ADARB2: variants seen among roughly 807,000 people sequenced by gnomAD.
ADARB2 encodes the protein inactive double-stranded RNA-specific editase B2.
Under a neutral mutation model 62.2 loss-of-function variants are expected in ADARB2, and 25 were observed. The observed-to-expected ratio is 0.40, with a 90% CI of 0.29 to 0.56. ADARB2 has a LOEUF of 0.56. Among genes scored for constraint, ADARB2 ranks in the 20% least tolerant of loss-of-function variants. ADARB2 has a pLI of 0.43. For missense variants in ADARB2, 1,071 were observed against 1,077.4 expected, an observed-to-expected ratio of 0.99 and a Z score of 0.08; for synonymous variants, 572 against 500.8, an observed-to-expected ratio of 1.14 and a Z score of -1.90.
chr10:1,568,047 T>G (rs1356964073), intron 1 of ADARB2, among the ~76,000 whole-genome samples: 1 of 152,200 alleles, frequency 6.6e-6, no homozygotes, highest in Non-Finnish European at 1.5e-5. Flanking sequence ...ACAGGAAACT[T>G]AAACAGGTTC....
intron 1 of ADARB2, among the ~76,000 whole-genome samples, chr10:1,660,463 C>T (rs1564360987): frequency 6.6e-6 from 1 of 152,150 alleles, no homozygotes; most frequent in Non-Finnish European, 1.5e-5. Context: ...GGAATGGTGG[C>T]CAGTCATGTC....
intron 1 of ADARB2, among the ~76,000 whole-genome samples, chr10:1,712,910 C>T (rs1267444479): frequency 6.6e-6 from 1 of 152,026 alleles, no homozygotes; most frequent in African/African-American, 2.4e-5. Context: ...CACCCGGCCA[C>T]CACCATTACT....
intron 1 of ADARB2, among the ~76,000 whole-genome samples, chr10:1,543,824 A>G (rs1832474919): frequency 6.6e-6 from 1 of 152,166 alleles, no homozygotes; most frequent in Admixed American, 6.5e-5. Context: ...GCAAAGACTC[A>G]TTAAGTTTAC....
intron 2 of ADARB2, among the ~76,000 whole-genome samples, chr10:1,376,772 C>T (rs978463301): frequency 6.6e-6 from 1 of 151,446 alleles, no homozygotes; most frequent in Non-Finnish European, 1.5e-5. Flanking sequence ...AGCCGGGATC[C>T]CAGCAGCTCC....
intron 1 of ADARB2, among the ~76,000 whole-genome samples, chr10:1,487,642 A>G (rs759495452): frequency 6.6e-6 from 1 of 152,248 alleles, no homozygotes; most frequent in Non-Finnish European, 1.5e-5. Flanking sequence ...GGAATAAAGC[A>G]GGAAGAAAAG....
chr10:1,708,768 G>A (rs1392173361), intron 1 of ADARB2, among the ~76,000 whole-genome samples: 3 of 152,166 alleles, frequency 2.0e-5, no homozygotes, highest in African/African-American at 7.2e-5. Context: ...ACACACAGAA[G>A]CACTTGGCAC....
At chr10:1,409,266 G>T (rs969636144) in intron 1 of ADARB2, among the ~76,000 whole-genome samples, 1 of 112,446 alleles carries the variant, frequency 8.9e-6, no homozygotes, top group Non-Finnish European at 2.1e-5. Flanking sequence ...TCGTCGCCCC[G>T]CCCTGCCTGA....
At chr10:1,559,121 C>T (rs10903486) in intron 1 of ADARB2, among the ~76,000 whole-genome samples, 3 of 152,052 alleles carry the variant, frequency 2.0e-5, no homozygotes, top group Admixed American at 2.0e-4. Context: ...AGCTGCAGGG[C>T]CTGTCAAATC....
chr10:1,311,947 T>C (rs1369339512), intron 3 of ADARB2, among the ~76,000 whole-genome samples: 2 of 152,180 alleles, frequency 1.3e-5, no homozygotes, highest in Non-Finnish European at 2.9e-5. Flanking sequence ...CTCACTGAAG[T>C]GAGCAGCCTA....
chr10:1,372,438 C>T (rs987478329), intron 2 of ADARB2, among the ~76,000 whole-genome samples: 2 of 151,056 alleles, frequency 1.3e-5, no homozygotes, highest in Non-Finnish European at 2.9e-5. Flanking sequence ...CAAACACGCA[C>T]ATGTATCCCT....
intron 1 of ADARB2, among the ~76,000 whole-genome samples, chr10:1,417,921 G>A (rs1036783152): frequency 6.6e-6 from 1 of 152,244 alleles, no homozygotes; most frequent in Non-Finnish European, 1.5e-5. Flanking sequence ...GGTGCATGGG[G>A]AAAATGGCGG....
chr10:1,212,504 C>T (rs73588478), intron 7 of ADARB2, among the ~76,000 whole-genome samples: 5,925 of 152,324 alleles, frequency 0.039, 415 homozygotes, highest in African/African-American at 0.14. Context: ...CGAGTGGTGG[C>T]ACCACTTCTG....
chr10:1,669,686 G>T (rs1307869537), intron 1 of ADARB2, among the ~76,000 whole-genome samples: 1 of 128,720 alleles, frequency 7.8e-6, no homozygotes, highest in South Asian at 2.6e-4. Context: ...ACAGACACAT[G>T]CAGACACACA....
chr10:1,313,522 A>G (rs979632806), intron 3 of ADARB2, among the ~76,000 whole-genome samples: 1 of 152,134 alleles, frequency 6.6e-6, no homozygotes, highest in Non-Finnish European at 1.5e-5. Context: ...TTGTAGTGAC[A>G]AGAGTCCCTG....
At position 1,397,158 on chromosome 10, in the gene ADARB2, C is replaced by T. The variant is rs547091114; in HGVS notation, c.101-17998G>A. On this transcript the variant is annotated intron_variant, in intron 1 of 9. Transcript: ENST00000381312. ...GGGTCACCGTCCGTCTCTCCCCTCC[C>T]GAGCGCAGGCTTCCTGGGTCACCAT... 1.9e-3 allele frequency among the ~76,000 whole-genome samples: 35 copies of T among 17,950 alleles called. 2 individuals carry two copies. The highest frequency in any genetic ancestry group is 4.3e-3 in the Non-Finnish European group (20 of 4,640). The allele number at this position is 17,950 out of a possible 152,430, so 11.8% of individuals were successfully genotyped here.
intron 1 of ADARB2, among the ~76,000 whole-genome samples, chr10:1,629,612 G>A (rs1025523873): frequency 2.9e-5 from 4 of 138,076 alleles, no homozygotes; most frequent in African/African-American, 8.3e-5. Flanking sequence ...GGGTGCTTCC[G>A]CTCTGGGTCT....
rs1564258058 is a variant in ADARB2 at position 1,327,059 on chromosome 10, CCAGCGCCTCCCCACTGCA to C, written c.1077+35951_1077+35968del. ...CCACTGCCCAGCGCCTCCCCACTGC[CCAGCGCCTCCCCACTGCA>C]CAGCGCCTCCTCACTGCACAGCGCC... On this transcript the variant is annotated intron_variant, in intron 3 of 9. Transcript: ENST00000381312. Among the ~76,000 whole-genome samples, 78 of 50,354 alleles carry C rather than the reference CCAGCGCCTCCCCACTGCA, an allele frequency of 1.5e-3. 12 individuals are homozygous for C. The highest frequency in any genetic ancestry group is 8.1e-3 in the African/African-American group (69 of 8,498). 33.0% of individuals were successfully genotyped at this position (50,354 alleles called of 152,430 possible).
At chr10:1,517,107 C>T (rs1004795652) in intron 1 of ADARB2, among the ~76,000 whole-genome samples, 2 of 152,104 alleles carry the variant, frequency 1.3e-5, no homozygotes, top group Non-Finnish European at 2.9e-5. Flanking sequence ...ATTTCAAATT[C>T]AAAGTTGGAG....
Position 1,447,733 on chromosome 10 carries a change from C to T in ADARB2, c.101-68573G>A, listed in dbSNP as rs112886174. Reference sequence around the variant, plus strand: ...TTTTTGATCTCCATCCTCCTTTCACCTCCAACCTCAAGCAGGCCCTGGTGT... The same window carrying T: ...TTTTTGATCTCCATCCTCCTTTCACTTCCAACCTCAAGCAGGCCCTGGTGT... On this transcript the variant is annotated intron_variant, in intron 1 of 9. Coordinates refer to ENST00000381312, the MANE Select transcript of ADARB2 (RefSeq NM_018702.4). Among the ~76,000 whole-genome samples the T allele has an allele frequency of 8.6e-4, 131 of 152,238 alleles. 1 individual carries two copies. Among genetic ancestry groups the T allele is most frequent in the African/African-American group, 2.9e-3 (120 of 41,522 alleles).
Sources: gnomAD v4.1 joint callset for allele counts (sites outside exome capture counted in the v4.1 genomes callset) on GRCh38, gnomAD v4.1.1 for gene constraint, MANE v1.5 for transcripts, NCBI Gene and HGNC (gene_info 2026-07-23, HGNC 2026-07-21) for gene names.